APC: variants seen among roughly 807,000 people sequenced by gnomAD.
APC encodes the protein APC regulator of Wnt signaling pathway.
APC carries 72 observed loss-of-function variants against 247.0 expected under a neutral mutation model. The observed-to-expected ratio is 0.29, with a 90% CI of 0.24 to 0.35. The LOEUF is 0.35. APC is among the 10% of genes least tolerant of loss of function. The pLI, the probability that APC is intolerant of heterozygous loss-of-function variation, is 1.00. For synonymous variants in APC, 1,254 were observed against 1,162.5 expected, an observed-to-expected ratio of 1.08 and a Z score of -1.60; for missense variants, 3,400 against 3,360.7, an observed-to-expected ratio of 1.01 and a Z score of -0.29.
Position 112,832,618 on chromosome 5 carries a change from C to A in APC, c.1744-2333C>A, listed in dbSNP as rs1764412937. 2.0e-5 allele frequency among the ~76,000 whole-genome samples: 3 copies of A among 152,164 alleles called. No individual in the cohort carries two copies. The South Asian group carries it at 6.2e-4, about 32-fold the overall frequency. On this transcript the variant is annotated intron_variant, in intron 14 of 15. Transcript: ENST00000257430. The stretch of plus-strand genomic sequence containing the variant: ...TCATGGACTGTGATCTCCTTTGCAT[C>A]TTCTTTCTGGGTCATCAGTACTCCC...
chr5:112,759,489 C>T (rs1028185833), intron 2 of APC, among the ~76,000 whole-genome samples: 1 of 151,630 alleles, frequency 6.6e-6, no homozygotes, highest in African/African-American at 2.4e-5. Flanking sequence ...TCCCGAGTAG[C>T]TGGGACTACA....
intron 1 of APC, chr5:112,707,931 G>A (rs1750622365): frequency 7.6e-7 from 1 of 1,309,486 alleles, no homozygotes; most frequent in South Asian, 1.4e-5. Flanking sequence ...AAGCTTCCTC[G>A]GCTTTGCCCC....
At chr5:112,835,840 T>C (rs1764830255) in intron 15 of APC, among the ~76,000 whole-genome samples, 1 of 151,950 alleles carries the variant, frequency 6.6e-6, no homozygotes, top group East Asian at 1.9e-4. Context: ...CCCTAAGTGC[T>C]GGGATTACAG....
intron 1 of APC, among the ~76,000 whole-genome samples, chr5:112,708,411 A>T (rs1038599553): frequency 1.3e-5 from 2 of 152,238 alleles, no homozygotes; most frequent in Admixed American, 6.5e-5. Flanking sequence ...TGACCCACCA[A>T]GTAGAGGAAT....
At chr5:112,716,535 A>G (rs986341460) in intron 1 of APC, among the ~76,000 whole-genome samples, 3 of 152,004 alleles carry the variant, frequency 2.0e-5, no homozygotes, top group African/African-American at 7.2e-5. Flanking sequence ...TATTGAGTGC[A>G]GGTCTCTGTA....
At chr5:112,816,254 C>T (rs998119774) in intron 9 of APC, among the ~76,000 whole-genome samples, 2 of 152,222 alleles carry the variant, frequency 1.3e-5, no homozygotes, top group Admixed American at 6.5e-5. Flanking sequence ...CCCATGTGAT[C>T]CATCTGCCTC....
rs530797658 is a variant in APC, at chr5:112,807,839, A to T, written c.834+6456A>T. Among the ~76,000 whole-genome samples the T allele has an allele frequency of 2.0e-5, 3 of 152,312 alleles. No homozygotes were observed. The South Asian group carries it at 6.2e-4, about 32-fold the overall frequency. Reference sequence around the variant, plus strand: ...CTTCCCTGTTTCACTGTGTATTTACAAAAGATAAAAGTACTTATTAAAAAT... The same window carrying T: ...CTTCCCTGTTTCACTGTGTATTTACTAAAGATAAAAGTACTTATTAAAAAT... On this transcript the variant is annotated intron_variant, in intron 8 of 15. Coordinates refer to ENST00000257430, the MANE Select transcript of APC (RefSeq NM_000038.6).
At chr5:112,795,745 C>T (rs960597228) in intron 7 of APC, among the ~76,000 whole-genome samples, 3 of 152,168 alleles carry the variant, frequency 2.0e-5, no homozygotes, top group Admixed American at 6.5e-5. Context: ...GTGTCAAATA[C>T]GTTTTTCTCA....
In APC at chr5:112,838,123, T is replaced by A. The variant is rs2149871758; in HGVS notation, c.2529T>A (p.Ser843Arg). The A allele has an allele frequency of 1.2e-6, 2 of 1,614,170 alleles. No homozygotes were observed. Among genetic ancestry groups the A allele is most frequent in the Non-Finnish European group, 1.7e-6 (2 of 1,180,014 alleles). Residue 843 changes from serine to arginine, a missense_variant, in exon 16 of 16, where the codon AGT becomes AGA. Transcript: ENST00000257430. Reference protein sequence around the residue: ...SSSSSRGSLDSSRSEKDRSLE... With the variant: ...SSSSSRGSLDRSRSEKDRSLE... ...CTTCATCAAGAGGAAGCTTAGATAG[T>A]TCTCGTTCTGAAAAAGATAGAAGTT...
intron 4 of APC, 105 bp downstream of exon 4, chr5:112,767,495 C>G: frequency 1.1e-6 from 1 of 897,692 alleles, no homozygotes; most frequent in Non-Finnish European, 1.7e-6. Context: ...ATAGCTAACA[C>G]TTAGAGCATT....
chr5:112,844,019 G>A lies in APC; in HGVS notation c.8425G>A (p.Val2809Met), dbSNP rs886059801. ...TCGGCCATCTCAGATCCCAACTCCA[G>A]TGAATAACAACACAAAGAAGCGAGA... The part of the protein sequence containing the change: ...SARPSQIPTP[V>M]NNNTKKRDSK... Residue 2809 changes from valine (V) to methionine (M), a missense_variant, in exon 16 of 16, where the codon GTG (valine) becomes ATG (methionine). Around this residue, in one of 9 missense-constraint regions of APC, gnomAD observed 1,788 missense variants for 1,649.5 expected, o/e 1.08. Coordinates refer to ENST00000257430, the MANE Select transcript of APC (RefSeq NM_000038.6). The A allele has an allele frequency of 1.9e-6, 3 of 1,603,520 alleles. No individual in the cohort carries two copies. The highest frequency in any genetic ancestry group is 1.1e-5 in the South Asian group (1 of 88,822).
At chr5:112,764,232 C>G (rs1276879139) in intron 2 of APC, among the ~76,000 whole-genome samples, 5 of 135,270 alleles carry the variant, frequency 3.7e-5, no homozygotes, top group Admixed American at 8.1e-5. Flanking sequence ...GGCGACAGAG[C>G]GAGACTCCGT....
intron 7 of APC, among the ~76,000 whole-genome samples, chr5:112,793,883 C>T (rs1759917712): frequency 6.6e-6 from 1 of 152,012 alleles, no homozygotes; most frequent in Non-Finnish European, 1.5e-5. Context: ...AAAGAATATT[C>T]TAACAACCTT....
In APC at chr5:112,815,508, G is replaced by A. The variant is rs149154604; in HGVS notation, c.848G>A (p.Arg283Gln). Residue 283 changes from arginine to glutamine, a missense_variant, in exon 9 of 16, where the codon CGA (arginine) becomes CAA (glutamine). Physicochemically the swap from Arg to Gln is conservative, Grantham distance 43. Coordinates refer to ENST00000257430, the MANE Select transcript of APC (RefSeq NM_000038.6). Reference protein sequence around the residue: ...TSGNGQGSTTRMDHETASVLS... With the variant: ...TSGNGQGSTTQMDHETASVLS... ...CTTAATTTTTAGGGTTCAACTACAC[G>A]AATGGACCATGAAACAGCCAGTGTT... 66 of 1,611,066 alleles carry A rather than the reference G, an allele frequency of 4.1e-5. No individual in the cohort carries two copies. Among genetic ancestry groups the A allele is most frequent in the Middle Eastern group, 1.6e-4 (1 of 6,068 alleles).
chr5:112,762,153 A>G (rs1033415786), intron 2 of APC, among the ~76,000 whole-genome samples: 1 of 152,236 alleles, frequency 6.6e-6, no homozygotes, highest in Non-Finnish European at 1.5e-5. Flanking sequence ...GGGATTCAGC[A>G]TCATTTGGCA....
chr5:112,838,449 C>A lies in APC; in HGVS notation c.2855C>A (p.Ala952Asp), dbSNP rs776560257. ...AATAGGACATGTTCTATGCCTTATG[C>A]CAAATTAGAATACAAGAGATCTTCA... ...NSNRTCSMPY[A>D]KLEYKRSSND... The change falls in exon 16 of 16, where the codon GCC becomes GAC. Residue 952 changes from alanine to aspartate, a missense_variant. By Grantham distance (126) the Ala-to-Asp change is moderately radical (BLOSUM62 -2). This residue lies in a region of APC where 715 missense variants were observed against 656.6 expected (regional missense o/e 1.09). Coordinates refer to ENST00000257430, the MANE Select transcript of APC (RefSeq NM_000038.6). 8.7e-6 allele frequency: 14 copies of A among 1,613,974 alleles called. No homozygotes were observed. Among genetic ancestry groups the A allele is most frequent in the South Asian group, 2.2e-5 (2 of 91,086 alleles).
upstream of APC, among the ~76,000 whole-genome samples, chr5:112,733,610 G>A (rs1341306918): frequency 1.3e-5 from 2 of 152,194 alleles, no homozygotes; most frequent in South Asian, 2.1e-4. Flanking sequence ...CTAGAAAGAA[G>A]TGCAGCCCTG....
intron 1 of APC, among the ~76,000 whole-genome samples, chr5:112,738,145 G>A (rs186599813): frequency 6.6e-6 from 1 of 152,296 alleles, no homozygotes; most frequent in East Asian, 1.9e-4. Flanking sequence ...GAGGAAGAAG[G>A]GGGAGGGGTA....
chr5:112,776,029 C>T (rs1037667774), intron 5 of APC, among the ~76,000 whole-genome samples: 3 of 152,110 alleles, frequency 2.0e-5, no homozygotes, highest in Non-Finnish European at 2.9e-5. Context: ...TTTTTAACTC[C>T]GTGTATTGAA....
Sources: allele counts gnomAD v4.1 joint callset (sites outside exome capture counted in the v4.1 genomes callset), GRCh38; gene constraint gnomAD v4.1.1; regional missense constraint gnomAD v4.1.1; transcripts MANE v1.5; gene names NCBI Gene and HGNC (gene_info 2026-07-23, HGNC 2026-07-21).